Variants in EIF3E observed in about 807,000 individuals in gnomAD.
The protein encoded by EIF3E is eukaryotic translation initiation factor 3 subunit E.
Under a neutral mutation model 59.3 loss-of-function variants are expected in EIF3E, and 25 were observed. The observed-to-expected ratio is 0.42, with a 90% CI of 0.31 to 0.59. EIF3E has a LOEUF of 0.59. Ranked by LOEUF, EIF3E falls within the 20% of genes least tolerant of loss-of-function variation. EIF3E has a pLI of 0.15. For synonymous variants in EIF3E, 176 were observed against 170.2 expected (o/e 1.03, Z -0.26); for missense variants, 317 against 534.3 (o/e 0.59, Z 4.01).
At chr8:108,226,627 T>G (rs1174599043) in intron 7 of EIF3E, among the ~76,000 whole-genome samples, 2 of 152,204 alleles carry the variant, frequency 1.3e-5, no homozygotes, top group Non-Finnish European at 2.9e-5. Flanking sequence ...CCAATGGCTT[T>G]TCAGTGTATA....
rs1554600460 is a variant in EIF3E, at chr8:108,235,056, T to A, written c.413A>T (p.Gln138Leu). 1 of 1,603,434 alleles carries A rather than the reference T, an allele frequency of 6.2e-7. No individual in the cohort carries two copies. The highest frequency in any genetic ancestry group is 8.5e-7 in the Non-Finnish European group (1 of 1,176,480). The change falls in exon 5 of 13, where the codon CAG (glutamine) becomes CTG (leucine). Residue 138 changes from glutamine (Q) to leucine (L), a missense_variant. Coordinates refer to ENST00000220849, the MANE Select transcript of EIF3E (RefSeq NM_001568.3). Reference protein sequence around the residue: ...LDTLYRYAKFQYECGNYSGAA... With the variant: ...LDTLYRYAKFLYECGNYSGAA... Reference sequence around the variant, plus strand: ...TCCTGAGTAATTCCCACATTCGTACTGGAATTTTGCATATCTGTAGAGTGT... The same window carrying A: ...TCCTGAGTAATTCCCACATTCGTACAGGAATTTTGCATATCTGTAGAGTGT...
At chr8:108,241,718 A>C (rs1364210782) in intron 2 of EIF3E, 81 bp downstream of exon 2, 1 of 776,100 alleles carries the variant, frequency 1.3e-6, no homozygotes, top group Non-Finnish European at 2.0e-6. Flanking sequence ...TTTTGGCTAA[A>C]GCTGTCTTAT....
In EIF3E at chr8:108,238,379, G is replaced by A. The variant is rs562847037; in HGVS notation, c.323+1579C>T. On this transcript the variant is annotated intron_variant, in intron 3 of 12. Coordinates refer to ENST00000220849, the MANE Select transcript of EIF3E (RefSeq NM_001568.3). ...AATACCAAAATCTGCAGGTGCTAAA[G>A]TCCCTTATGTAAAATAGCACAGTAT... 3.9e-5 allele frequency among the ~76,000 whole-genome samples: 6 copies of A among 152,166 alleles called. No individual in the cohort carries two copies. The South Asian group carries it at 1.2e-3, about 32-fold the overall frequency.
chr8:108,223,891 T>C (rs902823545), intron 7 of EIF3E, among the ~76,000 whole-genome samples: 4 of 151,286 alleles, frequency 2.6e-5, no homozygotes, highest in Admixed American at 2.0e-4. Context: ...AGGACAAACG[T>C]ATACATGATC....
intron 10 of EIF3E, among the ~76,000 whole-genome samples, chr8:108,205,599 A>G (rs1240758074): frequency 6.6e-6 from 1 of 152,218 alleles, no homozygotes; most frequent in South Asian, 2.1e-4. Flanking sequence ...GATAAGCTTT[A>G]AATTGTAAAC....
chr8:108,216,263 A>C, intron 9 of EIF3E, 149 bp downstream of exon 9: 1 of 597,336 alleles, frequency 1.7e-6, no homozygotes, highest in Non-Finnish European at 2.8e-6. Flanking sequence ...AAGGTTAATA[A>C]ACATGAGCCA....
At chr8:108,207,078 G>C (rs1439579762) in intron 10 of EIF3E, among the ~76,000 whole-genome samples, 1 of 152,148 alleles carries the variant, frequency 6.6e-6, no homozygotes, top group African/African-American at 2.4e-5. Context: ...AGGAATACTA[G>C]TAAATAATTG....
chr8:108,234,960 CAAAAAAAA>C, intron 5 of EIF3E, 30 bp downstream of exon 5: 21 of 871,944 alleles, frequency 2.4e-5, no homozygotes, highest in Admixed American at 1.1e-4. Flanking sequence ...CTACAAAAGA[CAAAAAAAA>C]AAAAAAAAAA....
At chr8:108,203,567 C>G (rs1312275313) in intron 10 of EIF3E, 64 bp from the exon 11 acceptor site, 1 of 1,278,070 alleles carries the variant, frequency 7.8e-7, no homozygotes, top group African/African-American at 1.5e-5. Context: ...TTTATGTACA[C>G]AGTGTTGACT....
chr8:108,205,723 T>C (rs80304101), intron 10 of EIF3E, among the ~76,000 whole-genome samples: 2,111 of 152,294 alleles, frequency 0.014, 48 homozygotes, highest in African/African-American at 0.048. Context: ...ATCAGTTACA[T>C]AGTAGCTATT....
In EIF3E at chr8:108,203,130, A is replaced by C. The variant is rs1025438272; in HGVS notation, c.1165-13T>G. The C allele has an allele frequency of 2.5e-6, 4 of 1,606,584 alleles. No homozygotes were observed. The highest frequency in any genetic ancestry group is 2.5e-6 in the Non-Finnish European group (3 of 1,177,832). On this transcript the variant is annotated splice_polypyrimidine_tract_variant and intron_variant, in intron 11 of 12. Transcript: ENST00000220849. ...TAACCACATGACCCTAAAAGGAAAC[A>C]CAGGGAAATTGATCCTATAATGTTA...
At chr8:108,228,096 T>G in intron 7 of EIF3E, 171 bp downstream of exon 7, 1 of 626,958 alleles carries the variant, frequency 1.6e-6, no homozygotes, top group Non-Finnish European at 2.5e-6. Context: ...TCAAATAGTT[T>G]ACTTAAGAGT....
chr8:108,228,488 A>G (rs1815560055), intron 6 of EIF3E, 97 bp from the exon 7 acceptor site: 1 of 1,013,628 alleles, frequency 9.9e-7, no homozygotes. Flanking sequence ...ATTAAAAATG[A>G]GCCCCTTCTA....
intron 7 of EIF3E, 74 bp downstream of exon 7, chr8:108,228,193 G>A: frequency 4.4e-6 from 6 of 1,372,226 alleles, no homozygotes; most frequent in Admixed American, 2.6e-5. Flanking sequence ...ATAGAAAAAA[G>A]TATATTTTAA....
chr8:108,219,670 G>A (rs1815368521), intron 7 of EIF3E, among the ~76,000 whole-genome samples: 1 of 151,972 alleles, frequency 6.6e-6, no homozygotes, highest in Non-Finnish European at 1.5e-5. Flanking sequence ...GAGCCCAGGA[G>A]TTCAAGACTA....
chr8:108,227,619 T>C (rs923649589), intron 7 of EIF3E: 2 of 152,200 alleles, frequency 1.3e-5, no homozygotes, highest in Non-Finnish European at 2.9e-5. Flanking sequence ...AAACTAGAGA[T>C]ATTTAGCCTG....
intron 10 of EIF3E, among the ~76,000 whole-genome samples, chr8:108,211,176 T>A (rs1815202394): frequency 6.6e-6 from 1 of 152,196 alleles, no homozygotes; most frequent in South Asian, 2.1e-4. Context: ...CACCACACTG[T>A]CTTCCACAAT....
intron 1 of EIF3E, chr8:108,242,119 T>G: frequency 6.9e-7 from 1 of 1,442,562 alleles, no homozygotes; most frequent in Non-Finnish European, 9.2e-7. Flanking sequence ...TACCTAAAAA[T>G]TTTAAAATGA....
intron 7 of EIF3E, chr8:108,227,201 GT>G (rs1815531635): frequency 6.6e-6 from 1 of 152,252 alleles, no homozygotes; most frequent in Non-Finnish European, 1.5e-5. Context: ...GCATGTGCCT[GT>G]AGTCCCAGCT....
Sources: allele counts gnomAD v4.1 joint callset (sites outside exome capture counted in the v4.1 genomes callset), GRCh38; gene constraint gnomAD v4.1.1; transcripts MANE v1.5; gene names NCBI Gene and HGNC (gene_info 2026-07-23, HGNC 2026-07-21).